Variants in MRPS28 observed in about 807,000 individuals in gnomAD.
MRPS28 encodes the protein small ribosomal subunit protein bS1m.
Under a neutral mutation model 10.8 loss-of-function variants are expected in MRPS28, and 7 were observed. The observed-to-expected ratio is 0.65, with a 90% CI of 0.37 to 1.22. The LOEUF is 1.22. MRPS28 is among the 50% of genes most tolerant of loss of function. The probability of loss-of-function intolerance (pLI) is 0.02; values close to 1 mark genes in which losing one functional copy is unlikely to be tolerated. For synonymous variants in MRPS28, 121 were observed against 93.3 expected, an observed-to-expected ratio of 1.30 and a Z score of -1.71; for missense variants, 265 against 232.9, an observed-to-expected ratio of 1.14 and a Z score of -0.90.
In MRPS28 at chr8:80,003,188, T is replaced by A. The variant is rs201384563; in HGVS notation, c.214-8A>T. The A allele has an allele frequency of 2.5e-5, 39 of 1,558,794 alleles. No individual in the cohort carries two copies. The highest frequency in any genetic ancestry group is 1.8e-4 in the East Asian group (8 of 44,192). On this transcript the variant is annotated splice_region_variant and splice_polypyrimidine_tract_variant and intron_variant, in intron 1 of 2. Coordinates refer to ENST00000276585, the MANE Select transcript of MRPS28 (RefSeq NM_014018.3). Reference sequence around the variant, plus strand: ...CACATTTTTTGGAGAACCCTAAATATGAAAAGAGATATTTATATACATATA... The same window carrying A: ...CACATTTTTTGGAGAACCCTAAATAAGAAAAGAGATATTTATATACATATA...
At chr8:79,957,230 A>G (rs971091244) in intron 2 of MRPS28, 5 of 152,110 alleles carry the variant, frequency 3.3e-5, no homozygotes, top group Non-Finnish European at 7.3e-5. Context: ...GGTAGAACAC[A>G]GCACTTTCTT....
intron 2 of MRPS28, among the ~76,000 whole-genome samples, chr8:79,924,999 T>C (rs1347356638): frequency 2.0e-5 from 3 of 152,164 alleles, no homozygotes; most frequent in Non-Finnish European, 2.9e-5. Flanking sequence ...ATATTGTTCA[T>C]CACTGTACTA....
intron 2 of MRPS28, among the ~76,000 whole-genome samples, chr8:79,920,875 C>T (rs1481370961): frequency 2.0e-5 from 3 of 152,148 alleles, no homozygotes; most frequent in Admixed American, 2.0e-4. Context: ...TGCCTATGTC[C>T]TGAATAGTAT....
rs1807065177 is a variant in MRPS28 at position 79,951,041 on chromosome 8, C to T, written c.396-31893G>A. On this transcript the variant is annotated intron_variant, in intron 2 of 2. Transcript: ENST00000276585. Reference sequence around the variant, plus strand: ...TTTTTCAGGAGAGGCTGGCTGCAGTCCTAATCCCAGGGAAAGAATAAATAT... The same window carrying T: ...TTTTTCAGGAGAGGCTGGCTGCAGTTCTAATCCCAGGGAAAGAATAAATAT... Among the ~76,000 whole-genome samples, 5 of 152,158 alleles carry T rather than the reference C, an allele frequency of 3.3e-5. No individual in the cohort carries two copies. The South Asian group carries it at 1.0e-3, about 32-fold the overall frequency.
intron 2 of MRPS28, among the ~76,000 whole-genome samples, chr8:79,983,696 A>C (rs936499393): frequency 1.1e-4 from 16 of 152,194 alleles, no homozygotes; most frequent in African/African-American, 3.6e-4. Flanking sequence ...GAAATGAATG[A>C]AATGAAGTGA....
At chr8:79,999,883 T>C (rs531990486) in intron 2 of MRPS28, among the ~76,000 whole-genome samples, 1 of 152,242 alleles carries the variant, frequency 6.6e-6, no homozygotes, top group South Asian at 2.1e-4. Flanking sequence ...TAAAGTCACT[T>C]TGATGACATT....
intron 1 of MRPS28, among the ~76,000 whole-genome samples, chr8:80,011,899 C>T (rs915668648): frequency 6.6e-6 from 1 of 152,146 alleles, no homozygotes; most frequent in Non-Finnish European, 1.5e-5. Context: ...AACACAATGT[C>T]CTTTTTCAAT....
intron 2 of MRPS28, among the ~76,000 whole-genome samples, chr8:79,960,561 T>C (rs1586060589): frequency 6.6e-6 from 1 of 152,216 alleles, no homozygotes; most frequent in East Asian, 1.9e-4. Flanking sequence ...TACCAGTGTA[T>C]GTACTTACTG....
intron 1 of MRPS28, among the ~76,000 whole-genome samples, chr8:80,011,872 G>A (rs966334295): frequency 3.9e-5 from 6 of 152,264 alleles, no homozygotes; most frequent in African/African-American, 1.2e-4. Flanking sequence ...GCCATCACTA[G>A]GACCTGTTCC....
intron 2 of MRPS28, among the ~76,000 whole-genome samples, chr8:79,983,234 TAACA>T (rs1461767468): frequency 6.6e-6 from 1 of 151,944 alleles, no homozygotes; most frequent in African/African-American, 2.4e-5. Flanking sequence ...GAAGGAAAAC[TAACA>T]AACAGAAAGG....
chr8:79,923,196 G>T (rs1438784453), intron 2 of MRPS28, among the ~76,000 whole-genome samples: 5 of 152,134 alleles, frequency 3.3e-5, no homozygotes, highest in African/African-American at 1.2e-4. Flanking sequence ...AAAAACTAGA[G>T]ATATCCTCCA....
At chr8:80,005,082 A>G (rs1434692604) in intron 1 of MRPS28, among the ~76,000 whole-genome samples, 1 of 152,260 alleles carries the variant, frequency 6.6e-6, no homozygotes, top group Non-Finnish European at 1.5e-5. Flanking sequence ...ATCCAGGAGA[A>G]CATCCCCAAT....
At chr8:80,013,882 G>T (rs960923586) in intron 1 of MRPS28, among the ~76,000 whole-genome samples, 1 of 151,990 alleles carries the variant, frequency 6.6e-6, no homozygotes, top group Non-Finnish European at 1.5e-5. Flanking sequence ...GGCTCAAGGT[G>T]ATAAGGTACT....
chr8:79,968,686 A>T (rs1272075850), intron 2 of MRPS28, among the ~76,000 whole-genome samples: 2 of 150,504 alleles, frequency 1.3e-5, no homozygotes, highest in Non-Finnish European at 3.0e-5. Flanking sequence ...GGGAACTTCT[A>T]CTCATTCTGG....
At chr8:80,029,879 G>A (rs1185206193) in intron 1 of MRPS28, 157 bp downstream of exon 1, 2 of 1,536,240 alleles carry the variant, frequency 1.3e-6, no homozygotes, top group East Asian at 2.4e-5. Flanking sequence ...CAGATTCTAG[G>A]GGCCGAGGGC....
At chr8:80,021,416 G>A (rs1386851353) in intron 1 of MRPS28, among the ~76,000 whole-genome samples, 1 of 152,174 alleles carries the variant, frequency 6.6e-6, no homozygotes, top group African/African-American at 2.4e-5. Flanking sequence ...GGGAGCAGGA[G>A]AAACATTATG....
intron 2 of MRPS28, among the ~76,000 whole-genome samples, chr8:79,983,055 A>G (rs776451049): frequency 1.9e-3 from 282 of 150,234 alleles, no homozygotes; most frequent in Non-Finnish European, 3.7e-3. Context: ...TCACACGGCC[A>G]GGTACTCCTC....
chr8:79,985,809 A>G lies in MRPS28; in HGVS notation c.395+17190T>C, dbSNP rs541723916. ...ATAGCTTACCAACCAAAAAGAGTCC[A>G]GGACCAGATGGATTCACAGCCGAAT... On this transcript the variant is annotated intron_variant, in intron 2 of 2. Transcript: ENST00000276585. Among the ~76,000 whole-genome samples, 3 of 152,242 alleles carry G rather than the reference A, an allele frequency of 2.0e-5. No individual in the cohort carries two copies. The South Asian group carries it at 6.2e-4, about 32-fold the overall frequency.
chr8:79,995,831 A>G (rs573111133), intron 2 of MRPS28, among the ~76,000 whole-genome samples: 79 of 152,302 alleles, frequency 5.2e-4, no homozygotes, highest in African/African-American at 1.9e-3. Flanking sequence ...TATTTTAAGC[A>G]CAACAAATTT....
Sources: allele counts gnomAD v4.1 joint callset (sites outside exome capture counted in the v4.1 genomes callset), GRCh38; gene constraint gnomAD v4.1.1; transcripts MANE v1.5; gene names NCBI Gene and HGNC (gene_info 2026-07-23, HGNC 2026-07-21).